Variants in SEPTIN7 observed in about 807,000 individuals in gnomAD.
SEPTIN7 encodes septin-7.
In SEPTIN7, 10 loss-of-function variants were observed where a neutral mutation model predicts 63.3. The ratio of observed to expected loss-of-function variants is 0.16; its 90% CI spans 0.10 to 0.27. The LOEUF is 0.27. Ranked by LOEUF, SEPTIN7 falls within the 10% of genes least tolerant of loss-of-function variation. SEPTIN7 has a pLI of 1.00. For missense variants in SEPTIN7, 310 were observed against 521.0 expected (o/e 0.59, Z 3.94); for synonymous variants, 131 against 165.3 (o/e 0.79, Z 1.59).
chr7:35,848,268 A>G (rs1490285769), intron 3 of SEPTIN7, among the ~76,000 whole-genome samples: 3 of 152,110 alleles, frequency 2.0e-5, no homozygotes, highest in African/African-American at 4.8e-5. Flanking sequence ...ATTCACAAGA[A>G]TACTTGATTT....
chr7:35,823,940 G>A (rs1303008519), intron 1 of SEPTIN7, among the ~76,000 whole-genome samples: 28 of 149,986 alleles, frequency 1.9e-4, no homozygotes, highest in Non-Finnish European at 3.7e-4. Context: ...AATGTTATCT[G>A]TGTCCTTACT....
chr7:35,824,694 A>T (rs1324413352), intron 1 of SEPTIN7, among the ~76,000 whole-genome samples: 1 of 152,146 alleles, frequency 6.6e-6, no homozygotes. Context: ...CTGTCATTTC[A>T]TGTCTTTAAT....
chr7:35,912,395 A>G, the SEPTIN7 span, among the ~76,000 whole-genome samples: 1 of 152,258 alleles, frequency 6.6e-6, no homozygotes, highest in Non-Finnish European at 1.5e-5. Context: ...ATTTCTGGCC[A>G]TCTCTTCATT....
intron 7 of SEPTIN7, among the ~76,000 whole-genome samples, chr7:35,880,460 T>G (rs1786809095): frequency 1.3e-5 from 2 of 152,068 alleles, no homozygotes; most frequent in Admixed American, 1.3e-4. Flanking sequence ...TTTCTTTGTC[T>G]TTTCCTTTTA....
At chr7:35,858,237 G>T (rs542440947) in intron 3 of SEPTIN7, among the ~76,000 whole-genome samples, 2 of 151,866 alleles carry the variant, frequency 1.3e-5, no homozygotes, top group East Asian at 3.9e-4. Context: ...TAGCCACCAC[G>T]CCCAACCCCC....
intron 1 of SEPTIN7, among the ~76,000 whole-genome samples, chr7:35,808,550 G>A (rs1788499289): frequency 6.6e-6 from 1 of 152,168 alleles, no homozygotes. Context: ...TACCATTCTG[G>A]AAGCTAGGAA....
intron 1 of SEPTIN7, among the ~76,000 whole-genome samples, chr7:35,802,721 A>T (rs1788073050): frequency 6.6e-6 from 1 of 152,052 alleles, no homozygotes. Context: ...TGAAGGGGGG[A>T]TATAAACAAT....
chr7:35,859,043 C>T (rs891247576), intron 3 of SEPTIN7, among the ~76,000 whole-genome samples: 3 of 151,970 alleles, frequency 2.0e-5, no homozygotes, highest in Non-Finnish European at 4.4e-5. Flanking sequence ...CTTGTTTTTG[C>T]TAGCTTTGAG....
At chr7:35,826,683 T>C (rs1165801893) in intron 1 of SEPTIN7, among the ~76,000 whole-genome samples, 1 of 152,128 alleles carries the variant, frequency 6.6e-6, no homozygotes, top group Non-Finnish European at 1.5e-5. Context: ...TGATTTTTAT[T>C]AGGCATCCAT....
At chr7:35,858,710 C>T (rs1169300217) in intron 3 of SEPTIN7, among the ~76,000 whole-genome samples, 3 of 132,396 alleles carry the variant, frequency 2.3e-5, no homozygotes, top group African/African-American at 2.8e-5. Flanking sequence ...GACAGAGTTT[C>T]GCTCTTGTTG....
At chr7:35,808,152 T>C (rs1333545333) in intron 1 of SEPTIN7, among the ~76,000 whole-genome samples, 1 of 152,034 alleles carries the variant, frequency 6.6e-6, no homozygotes, top group Non-Finnish European at 1.5e-5. Context: ...TAATAGGTAA[T>C]ATAATCACTT....
chr7:35,904,597 G>A lies in SEPTIN7; in HGVS notation c.*304G>A, dbSNP rs1462984805. On this transcript the variant is annotated 3_prime_UTR_variant, in exon 14 of 14. Transcript: ENST00000350320. ...TACTGTTGTACAATCATGTTCTGGT[G>A]GTTTGATTGTTTACAGGATATTCCA... is the stretch of plus-strand genomic sequence containing the variant. 4.6e-6 allele frequency: 1 copy of A among 217,806 alleles called. No individual in the cohort carries two copies. The highest frequency in any genetic ancestry group is 9.0e-6 in the Non-Finnish European group (1 of 111,516). 13.5% of individuals were successfully genotyped at this position (217,806 alleles called of 1,614,324 possible).
In SEPTIN7 at chr7:35,832,078, A is replaced by G. The variant is rs768065345; in HGVS notation, c.66+582A>G. 9 of 453,762 alleles carry G rather than the reference A, an allele frequency of 2.0e-5. 1 individual carries two copies. The highest frequency in any genetic ancestry group is 1.4e-4 in the South Asian group (9 of 64,270). 28.1% of individuals were successfully genotyped at this position (453,762 alleles called of 1,614,324 possible). A position where few individuals can be genotyped will look rare whatever the true frequency, so the allele number is the denominator to read the frequency against. Reference sequence around the variant, plus strand: ...TTATTTACTACACCAATTTGGAAGTAGATTTCTTTCAGTTACTCACGAAAC... The same window carrying G: ...TTATTTACTACACCAATTTGGAAGTGGATTTCTTTCAGTTACTCACGAAAC... On this transcript the variant is annotated intron_variant, in intron 2 of 13. Coordinates refer to ENST00000350320, the MANE Select transcript of SEPTIN7 (RefSeq NM_001788.6).
intron 3 of SEPTIN7, among the ~76,000 whole-genome samples, chr7:35,861,761 G>A (rs1785524756): frequency 6.6e-6 from 1 of 152,200 alleles, no homozygotes; most frequent in Admixed American, 6.5e-5. Context: ...TCTTCTGGCA[G>A]ACCAGAGAGG....
intron 3 of SEPTIN7, among the ~76,000 whole-genome samples, chr7:35,859,496 G>T (rs1309882971): frequency 6.6e-6 from 1 of 152,160 alleles, no homozygotes. Context: ...GTCTATGTCT[G>T]TTAGCTTCAG....
Position 35,882,561 on chromosome 7 carries a change from T to C in SEPTIN7, c.708T>C (p.Leu236=). 6.7e-7 allele frequency: 1 copy of C among 1,483,782 alleles called. No homozygotes were observed. Among genetic ancestry groups the C allele is most frequent in the Non-Finnish European group, 9.0e-7 (1 of 1,108,728 alleles). The allele number at this position is 1,483,782 out of a possible 1,614,324, so 91.9% of individuals were successfully genotyped here. A position where few individuals can be genotyped will look rare whatever the true frequency, so the allele number is the denominator to read the frequency against. ...CAGATGATGAAGAAGAAAATAAACT[T>C]GTTAAAAAGATAAAGGTAGGTTCAT... The part of the protein sequence containing the change: ...PETDDEEENK[L]VKKIKDRLPL... The change falls in exon 8 of 14, where the codon CTT becomes CTC. Residue 236 remains leucine, a synonymous_variant. Coordinates refer to ENST00000350320, the MANE Select transcript of SEPTIN7 (RefSeq NM_001788.6).
chr7:35,823,170 T>C (rs1338757151), intron 1 of SEPTIN7, among the ~76,000 whole-genome samples: 4 of 152,198 alleles, frequency 2.6e-5, no homozygotes, highest in Admixed American at 6.5e-5. Context: ...AAAATCTTAA[T>C]TGTATAGTCC....
intron 1 of SEPTIN7, among the ~76,000 whole-genome samples, chr7:35,819,065 CTTTT>C (rs1789255835): frequency 6.6e-6 from 1 of 151,876 alleles, no homozygotes; most frequent in Non-Finnish European, 1.5e-5. Flanking sequence ...TGAGATCTTT[CTTTT>C]TAATATAGGC....
chr7:35,892,730 G>A (rs566450304), intron 11 of SEPTIN7, among the ~76,000 whole-genome samples: 3 of 151,390 alleles, frequency 2.0e-5, no homozygotes, highest in African/African-American at 4.9e-5. Context: ...AAATTCTACT[G>A]TGTGGATACA....
Sources: gnomAD v4.1 joint callset for allele counts (sites outside exome capture counted in the v4.1 genomes callset) on GRCh38, gnomAD v4.1.1 for gene constraint, MANE v1.5 for transcripts, NCBI Gene and HGNC (gene_info 2026-07-23, HGNC 2026-07-21) for gene names.